Variants in PCSK5 observed in about 807,000 individuals in gnomAD.
The protein encoded by PCSK5 is proprotein convertase subtilisin/kexin type 5.
In PCSK5, 129 loss-of-function variants were observed where a neutral mutation model predicts 233.2. The observed-to-expected ratio is 0.55, with a 90% CI of 0.48 to 0.64. The LOEUF (loss-of-function observed/expected upper bound fraction) is 0.64. Among genes scored for constraint, PCSK5 ranks in the 30% least tolerant of loss-of-function variants. PCSK5 has a pLI of 0.00. For synonymous variants in PCSK5, 825 were observed against 879.2 expected (o/e 0.94, Z 1.09); for missense variants, 2,076 against 2,430.1 (o/e 0.85, Z 3.06).
intron 2 of PCSK5, among the ~76,000 whole-genome samples, chr9:75,956,218 T>A (rs984976501): frequency 6.6e-6 from 1 of 152,242 alleles, no homozygotes; most frequent in Non-Finnish European, 1.5e-5. Context: ...TGGCATACTT[T>A]GCAATTCTTA....
At chr9:75,965,304 G>A (rs2131352402) in intron 2 of PCSK5, among the ~76,000 whole-genome samples, 1 of 151,516 alleles carries the variant, frequency 6.6e-6, no homozygotes, top group South Asian at 2.1e-4. Context: ...GAGAGAGAGA[G>A]AAAGAGAGAT....
rs1457259908 is a variant in PCSK5, at chr9:76,296,728, A to C, written c.3386A>C (p.Glu1129Ala). 1 of 1,612,346 alleles carries C rather than the reference A, an allele frequency of 6.2e-7. No homozygotes were observed. Among genetic ancestry groups the C allele is most frequent in the Non-Finnish European group, 8.5e-7 (1 of 1,179,590 alleles). ...GGTGACCAAGAAATGGGAGAATGTG[A>C]GTCCTGCCACCGAGCATGCGAAACC... ...FYGDQEMGECESCHRACETCT... is the reference protein window; with the variant it reads ...FYGDQEMGECASCHRACETCT... Residue 1129 changes from glutamate to alanine, a missense_variant, in exon 27 of 38, where the codon GAG becomes GCG. Physicochemically the swap from Glu to Ala is moderately radical, Grantham distance 107 (BLOSUM62 -1). Around this residue, in one of 6 missense-constraint regions of PCSK5, gnomAD observed 1,510 missense variants for 1,538.1 expected, o/e 0.98. Transcript: ENST00000674117.
At chr9:76,131,675 G>A (rs982660982) in intron 9 of PCSK5, among the ~76,000 whole-genome samples, 4 of 152,062 alleles carry the variant, frequency 2.6e-5, no homozygotes, top group Non-Finnish European at 5.9e-5. Context: ...AATGTTCCCT[G>A]TTCTGTTATG....
At chr9:75,984,911 C>T (rs780671731) in intron 2 of PCSK5, among the ~76,000 whole-genome samples, 1 of 152,144 alleles carries the variant, frequency 6.6e-6, no homozygotes, top group Non-Finnish European at 1.5e-5. Flanking sequence ...CTTAGGATCC[C>T]TTCTCCAGTA....
chr9:76,207,225 T>A (rs1825152406), intron 20 of PCSK5, among the ~76,000 whole-genome samples: 1 of 152,180 alleles, frequency 6.6e-6, no homozygotes, highest in African/African-American at 2.4e-5. Flanking sequence ...GGAAATCCCT[T>A]TTGCTGTACA....
chr9:76,193,098 C>G, intron 20 of PCSK5: 1 of 591,834 alleles, frequency 1.7e-6, no homozygotes, highest in Non-Finnish European at 2.8e-6. Context: ...ACCAAATTTC[C>G]TCCTGTTGAC....
intron 32 of PCSK5, among the ~76,000 whole-genome samples, chr9:76,323,872 CA>C (rs1288420502): frequency 6.6e-6 from 1 of 151,220 alleles, no homozygotes; most frequent in Non-Finnish European, 1.5e-5. Flanking sequence ...CTTGATAACA[CA>C]AGCAAATTGT....
chr9:75,958,519 A>G (rs555732709), intron 2 of PCSK5, among the ~76,000 whole-genome samples: 4 of 152,192 alleles, frequency 2.6e-5, no homozygotes, highest in Admixed American at 6.5e-5. Flanking sequence ...AGCTTGGTTC[A>G]GGGGAAGAGT....
chr9:75,904,786 T>A lies in PCSK5; in HGVS notation c.192+13413T>A, dbSNP rs749904378. On this transcript the variant is annotated intron_variant, in intron 1 of 37. Coordinates refer to ENST00000674117, the MANE Select transcript of PCSK5 (RefSeq NM_001372043.1). Reference sequence around the variant, plus strand: ...ATACAGCTACTCTATGACCCAGCAGTTCTCTCCTAAATGTATACCCAACAG... The same window carrying A: ...ATACAGCTACTCTATGACCCAGCAGATCTCTCCTAAATGTATACCCAACAG... 4.9e-4 allele frequency among the ~76,000 whole-genome samples: 75 copies of A among 152,314 alleles called. 1 individual carries two copies. Among genetic ancestry groups the A allele is most frequent in the Admixed American group, 2.8e-3 (43 of 15,302 alleles).
Position 76,189,766 on chromosome 9 carries a change from T to A in PCSK5, c.2626+20T>A. 1 of 1,250,380 alleles carries A rather than the reference T, an allele frequency of 8.0e-7. No homozygotes were observed. Among genetic ancestry groups the A allele is most frequent in the East Asian group, 2.3e-5 (1 of 43,142 alleles). 77.5% of individuals were successfully genotyped at this position (1,250,380 alleles called of 1,614,324 possible). A position where few individuals can be genotyped will look rare whatever the true frequency, so the allele number is the denominator to read the frequency against. ...AGGATGGTGAGTACAACTGCCCATA[T>A]CGATCTTATGAAGCAAAGTATGATC... On this transcript the variant is annotated intron_variant, in intron 20 of 37. Transcript: ENST00000674117.
At position 75,891,080 on chromosome 9, in the gene PCSK5, C is replaced by CGGGGCTGCGAGCTGCGGCGGCCA; in HGVS notation, c.-94_-93insGAGCTGCGGCGGCCAGGGGCTGC. On this transcript the variant is annotated 5_prime_UTR_variant, in exon 1 of 38. Transcript: ENST00000674117. ...CCCGGGGCTGCGAGCTGCGGCGGCC[C>CGGGGCTGCGAGCTGCGGCGGCCA]GGGGCTGCTCGCCGGGCGGCGCAGG... 2 of 1,136,200 alleles carry CGGGGCTGCGAGCTGCGGCGGCCA rather than the reference C, an allele frequency of 1.8e-6. No homozygotes were observed. The highest frequency in any genetic ancestry group is 2.3e-6 in the Non-Finnish European group (2 of 869,150). 70.4% of individuals were successfully genotyped at this position (1,136,200 alleles called of 1,614,324 possible).
At chr9:76,002,872 C>G (rs947065827) in intron 3 of PCSK5, among the ~76,000 whole-genome samples, 1 of 152,198 alleles carries the variant, frequency 6.6e-6, no homozygotes, top group Non-Finnish European at 1.5e-5. Flanking sequence ...AACAAGCCTC[C>G]TGCACATCAT....
At chr9:76,156,374 A>G (rs1367853089) in intron 10 of PCSK5, among the ~76,000 whole-genome samples, 1 of 152,230 alleles carries the variant, frequency 6.6e-6, no homozygotes, top group Non-Finnish European at 1.5e-5. Flanking sequence ...ATAAAAGTCT[A>G]GAGGCCTCCA....
chr9:76,079,889 T>C (rs1830772748), intron 7 of PCSK5, among the ~76,000 whole-genome samples: 1 of 152,202 alleles, frequency 6.6e-6, no homozygotes, highest in Non-Finnish European at 1.5e-5. Context: ...TGTTGGATTA[T>C]ATTGAAATAT....
chr9:76,035,725 A>T (rs1367342931), intron 5 of PCSK5, among the ~76,000 whole-genome samples: 1 of 152,158 alleles, frequency 6.6e-6, no homozygotes, highest in East Asian at 1.9e-4. Flanking sequence ...GGTTTTCAAG[A>T]CAGGTGTATT....
At chr9:76,143,909 C>A (rs997620179) in intron 10 of PCSK5, among the ~76,000 whole-genome samples, 1 of 152,042 alleles carries the variant, frequency 6.6e-6, no homozygotes, top group Non-Finnish European at 1.5e-5. Context: ...TTATTGCTCA[C>A]CATGACTTCC....
chr9:75,927,608 G>A (rs939932114), intron 1 of PCSK5, among the ~76,000 whole-genome samples: 4 of 152,080 alleles, frequency 2.6e-5, no homozygotes, highest in African/African-American at 9.7e-5. Context: ...GAGGGGTTTC[G>A]CTGCATGCTC....
At chr9:76,089,863 C>T (rs1270635445) in intron 7 of PCSK5, among the ~76,000 whole-genome samples, 1 of 152,092 alleles carries the variant, frequency 6.6e-6, no homozygotes, top group South Asian at 2.1e-4. Flanking sequence ...CTTTCTAAGC[C>T]ACAAGGAAAT....
chr9:75,978,667 T>C (rs1479337564), intron 2 of PCSK5, among the ~76,000 whole-genome samples: 1 of 152,166 alleles, frequency 6.6e-6, no homozygotes, highest in Non-Finnish European at 1.5e-5. Context: ...TTACTTTGTT[T>C]TTATAAAACC....
Sources: allele counts gnomAD v4.1 joint callset (sites outside exome capture counted in the v4.1 genomes callset), GRCh38; gene constraint gnomAD v4.1.1; regional missense constraint gnomAD v4.1.1; transcripts MANE v1.5; gene names NCBI Gene and HGNC (gene_info 2026-07-23, HGNC 2026-07-21).